Variants in GRM7 observed in about 807,000 individuals in gnomAD.
GRM7 encodes glutamate metabotropic receptor 7, also known as metabotropic glutamate receptor 7.
A neutral mutation model predicts 84.5 loss-of-function variants in GRM7; 35 were observed. That is an observed-to-expected ratio of 0.41 (90% CI 0.32 to 0.55). The LOEUF is 0.55. Among genes scored for constraint, GRM7 ranks in the 20% least tolerant of loss-of-function variants. The probability of loss-of-function intolerance (pLI) is 0.19; values close to 1 mark genes in which losing one functional copy is unlikely to be tolerated. For missense variants in GRM7, 1,003 were observed against 1,194.6 expected (o/e 0.84, Z 2.36); for synonymous variants, 487 against 455.1 (o/e 1.07, Z -0.89).
chr3:7,548,675 C>T (rs543246725), intron 7 of GRM7, among the ~76,000 whole-genome samples: 2 of 152,250 alleles, frequency 1.3e-5, no homozygotes, highest in Non-Finnish European at 2.9e-5. Context: ...CAATTGTGAT[C>T]CCCTAGGACT....
chr3:6,957,481 T>A (rs1553601348), intron 1 of GRM7, among the ~76,000 whole-genome samples: 1 of 152,232 alleles, frequency 6.6e-6, no homozygotes, highest in Non-Finnish European at 1.5e-5. Context: ...AATGTAAGCC[T>A]TGTTTTGTAG....
At chr3:7,626,282 A>C (rs925967840) in intron 8 of GRM7, among the ~76,000 whole-genome samples, 2 of 152,140 alleles carry the variant, frequency 1.3e-5, no homozygotes, top group African/African-American at 4.8e-5. Context: ...AGTTCTATGG[A>C]GTAAGTAGAT....
At position 7,311,965 on chromosome 3, in the gene GRM7, A is replaced by G. The variant is rs144892789; in HGVS notation, c.1033+5313A>G. Among the ~76,000 whole-genome samples, 834 of 152,238 alleles carry G rather than the reference A, an allele frequency of 5.5e-3. 10 individuals are homozygous for G. The highest frequency in any genetic ancestry group is 0.019 in the African/African-American group (784 of 41,554). ...GGTAGATTCACATACACTACTCACA[A>G]ATGCTTTTACCTGTAAGAAATGTCC... is the stretch of plus-strand genomic sequence containing the variant. On this transcript the variant is annotated intron_variant, in intron 4 of 9. Transcript: ENST00000357716.
intron 5 of GRM7, among the ~76,000 whole-genome samples, chr3:7,448,786 G>T (rs955493457): frequency 6.6e-6 from 1 of 151,964 alleles, no homozygotes; most frequent in South Asian, 2.1e-4. Flanking sequence ...ATGTTTCACA[G>T]ATAATAAAAT....
chr3:7,623,494 G>T (rs968011327), intron 8 of GRM7, among the ~76,000 whole-genome samples: 1 of 152,092 alleles, frequency 6.6e-6, no homozygotes, highest in Non-Finnish European at 1.5e-5. Flanking sequence ...AATTGAATCA[G>T]CACTCATGTA....
chr3:7,334,799 A>G (rs568478459), intron 4 of GRM7, among the ~76,000 whole-genome samples: 1 of 152,322 alleles, frequency 6.6e-6, no homozygotes, highest in South Asian at 2.1e-4. Context: ...CAAACTTTAA[A>G]GCAACAACAG....
intron 8 of GRM7, among the ~76,000 whole-genome samples, chr3:7,666,173 C>T (rs1479726382): frequency 6.6e-6 from 1 of 152,112 alleles, no homozygotes; most frequent in South Asian, 2.1e-4. Context: ...TGTCGTCATT[C>T]GAGTTACATT....
At chr3:7,734,247 C>CG (rs3838613) in intron 9 of GRM7, among the ~76,000 whole-genome samples, 15,074 of 81,282 alleles carry the variant, frequency 0.19, 1,008 homozygotes, top group Non-Finnish European at 0.24. Flanking sequence ...TTGGCAGGGG[C>CG]GGGGGGGGGG....
At chr3:6,879,843 T>C (rs1695443414) in intron 1 of GRM7, among the ~76,000 whole-genome samples, 1 of 152,220 alleles carries the variant, frequency 6.6e-6, no homozygotes. Flanking sequence ...ATTGTTTTTA[T>C]GTTAATTCAG....
At chr3:7,169,019 C>T (rs1191640954) in intron 2 of GRM7, among the ~76,000 whole-genome samples, 1 of 152,138 alleles carries the variant, frequency 6.6e-6, no homozygotes, top group Non-Finnish European at 1.5e-5. Flanking sequence ...CATTTAGAAA[C>T]TTTATAAACT....
intron 1 of GRM7, among the ~76,000 whole-genome samples, chr3:6,954,447 A>T (rs1692934884): frequency 6.6e-6 from 1 of 152,192 alleles, no homozygotes; most frequent in African/African-American, 2.4e-5. Flanking sequence ...TCTTCAAGAA[A>T]ATGGGTTTTC....
At chr3:7,275,383 G>C (rs576302878) in intron 2 of GRM7, among the ~76,000 whole-genome samples, 1 of 152,166 alleles carries the variant, frequency 6.6e-6, no homozygotes, top group Non-Finnish European at 1.5e-5. Flanking sequence ...CCTGCTAAGA[G>C]AAACAGCTGT....
At chr3:7,019,743 A>C (rs962431900) in intron 1 of GRM7, among the ~76,000 whole-genome samples, 1 of 152,182 alleles carries the variant, frequency 6.6e-6, no homozygotes, top group African/African-American at 2.4e-5. Context: ...CCTGTGAAGA[A>C]CTGGAAATAG....
chr3:7,254,431 T>G (rs1387092887), intron 2 of GRM7, among the ~76,000 whole-genome samples: 1 of 152,226 alleles, frequency 6.6e-6, no homozygotes, highest in Non-Finnish European at 1.5e-5. Context: ...AAGCATTCAG[T>G]AAACATTTGT....
Position 7,550,750 on chromosome 3 carries a change from C to T in GRM7, c.1516-27672C>T, listed in dbSNP as rs371120822. Among the ~76,000 whole-genome samples, 77 of 152,028 alleles carry T rather than the reference C, an allele frequency of 5.1e-4. 1 individual carries two copies. The highest frequency in any genetic ancestry group is 2.1e-3 in the South Asian group (10 of 4,818). On this transcript the variant is annotated intron_variant, in intron 7 of 9. Transcript: ENST00000357716. ...CTGGATCACCCAGCAAACTCAGGTA[C>T]GCTGGTGTTTGGTCTATAGCTGTGG... is the stretch of plus-strand genomic sequence containing the variant.
chr3:7,522,368 A>T (rs910378144), intron 7 of GRM7, among the ~76,000 whole-genome samples: 1 of 152,094 alleles, frequency 6.6e-6, no homozygotes, highest in Non-Finnish European at 1.5e-5. Flanking sequence ...TTCTGCTTCA[A>T]CAATTCTCCC....
At chr3:7,683,935 CAA>C (rs34240387) in intron 9 of GRM7, among the ~76,000 whole-genome samples, 139,814 of 151,996 alleles carry the variant, frequency 0.92, 64,353 homozygotes, top group East Asian at 0.96. Context: ...AGGACAAAGT[CAA>C]AACTCAAAGA....
At chr3:7,465,738 G>T (rs1299560823) in intron 7 of GRM7, among the ~76,000 whole-genome samples, 4 of 151,892 alleles carry the variant, frequency 2.6e-5, no homozygotes, top group Admixed American at 6.6e-5. Context: ...TCAAGCAAAT[G>T]AAATTTTCGA....
At chr3:7,677,278 A>AAAC (rs1700169649) in intron 8 of GRM7, among the ~76,000 whole-genome samples, 1 of 148,968 alleles carries the variant, frequency 6.7e-6, no homozygotes, top group African/African-American at 2.5e-5. Flanking sequence ...AAAAAAAAAA[A>AAAC]AAAAAAAAAA....
Sources: gnomAD v4.1 joint callset for allele counts (sites outside exome capture counted in the v4.1 genomes callset) on GRCh38, gnomAD v4.1.1 for gene constraint, MANE v1.5 for transcripts, NCBI Gene and HGNC (gene_info 2026-07-23, HGNC 2026-07-21) for gene names.